SAMD4A: variants seen among roughly 807,000 people sequenced by gnomAD.
The protein encoded by SAMD4A is protein Smaug homolog 1.
In SAMD4A, 33 loss-of-function variants were observed where a neutral mutation model predicts 81.3. The observed-to-expected ratio is 0.41, with a 90% CI of 0.31 to 0.54. SAMD4A has a LOEUF of 0.54. Among genes scored for constraint, SAMD4A ranks in the 20% least tolerant of loss-of-function variants. The pLI, the probability that SAMD4A is intolerant of heterozygous loss-of-function variation, is 0.37. For synonymous variants in SAMD4A, 389 were observed against 382.1 expected, an observed-to-expected ratio of 1.02 and a Z score of -0.21; for missense variants, 854 against 951.1, an observed-to-expected ratio of 0.90 and a Z score of 1.34.
Position 54,789,152 on chromosome 14 carries a change from C to T in SAMD4A, c.*208C>T. ...GGGTTGGTTATTTTGTCATTTGTTT[C>T]TGTCATGGGATGGTTTGGTGTGTGG... On this transcript the variant is annotated 3_prime_UTR_variant, in exon 13 of 13. Coordinates refer to ENST00000554335, the MANE Select transcript of SAMD4A (RefSeq NM_015589.6). 5.9e-6 allele frequency: 3 copies of T among 504,572 alleles called. No homozygotes were observed. The highest frequency in any genetic ancestry group is 3.8e-5 in the East Asian group (1 of 26,446). 31.3% of individuals were successfully genotyped at this position (504,572 alleles called of 1,614,324 possible). A position where few individuals can be genotyped will look rare whatever the true frequency, so the allele number is the denominator to read the frequency against.
chr14:54,704,904 A>G (rs12881380), intron 3 of SAMD4A, among the ~76,000 whole-genome samples: 1 of 152,072 alleles, frequency 6.6e-6, no homozygotes, highest in Non-Finnish European at 1.5e-5. Context: ...TCACTTGTTC[A>G]CTCATGCCTC....
At chr14:54,753,337 G>A (rs1420565736) in intron 6 of SAMD4A, among the ~76,000 whole-genome samples, 1 of 152,250 alleles carries the variant, frequency 6.6e-6, no homozygotes, top group Non-Finnish European at 1.5e-5. Context: ...ACTAGAGAAT[G>A]GCGATGACTT....
rs1156717576 is a variant in SAMD4A at position 54,774,879 on chromosome 14, T to TA, written c.1716-50dup. 6 of 1,571,482 alleles carry TA rather than the reference T, an allele frequency of 3.8e-6. No homozygotes were observed. In the African/African-American group the frequency reaches 8.2e-5, roughly 21 times the overall value. On this transcript the variant is annotated intron_variant, in intron 9 of 12. Transcript: ENST00000554335. ...GACATCCCTTGGGAAGCCTGTGGCT[T>TA]AAAAAGGGCTGAATAACGACTGATA...
At chr14:54,727,617 C>T (rs2037457861) in intron 3 of SAMD4A, among the ~76,000 whole-genome samples, 1 of 152,194 alleles carries the variant, frequency 6.6e-6, no homozygotes, top group Non-Finnish European at 1.5e-5. Flanking sequence ...CAGCGCTTCA[C>T]TTTGCTCCAC....
At chr14:54,658,352 AT>A (rs1314912439) in intron 2 of SAMD4A, among the ~76,000 whole-genome samples, 1 of 152,128 alleles carries the variant, frequency 6.6e-6, no homozygotes, top group Non-Finnish European at 1.5e-5. Context: ...TTTCCAAATA[AT>A]TGTGTAAGGC....
At chr14:54,694,521 A>T in intron 2 of SAMD4A, 1 of 573,286 alleles carries the variant, frequency 1.7e-6, no homozygotes, top group Non-Finnish European at 2.2e-6. Flanking sequence ...TGACTTTGAG[A>T]TCATCTGAGT....
At chr14:54,674,058 C>T (rs2035940191) in intron 2 of SAMD4A, among the ~76,000 whole-genome samples, 1 of 152,192 alleles carries the variant, frequency 6.6e-6, no homozygotes, top group Admixed American at 6.5e-5. Context: ...CCTCTGGGAC[C>T]TAAATCCATT....
At chr14:54,741,343 G>A (rs952963604) in intron 4 of SAMD4A, among the ~76,000 whole-genome samples, 1 of 152,192 alleles carries the variant, frequency 6.6e-6, no homozygotes, top group Non-Finnish European at 1.5e-5. Flanking sequence ...ACTTACATTA[G>A]CACCATGTTC....
At position 54,587,379 on chromosome 14, in the gene SAMD4A, A is replaced by G. The variant is rs7150272; in HGVS notation, c.196+19267A>G. 3.9e-3 allele frequency among the ~76,000 whole-genome samples: 592 copies of G among 152,278 alleles called. 4 individuals are homozygous for G. Among genetic ancestry groups the G allele is most frequent in the African/African-American group, 0.013 (541 of 41,554 alleles). ...ACAATCATATCATCAGCAAACAGTGACAGTTTGACTTCCTCTTTACTGATT... is the reference window on the plus strand; with the variant it reads ...ACAATCATATCATCAGCAAACAGTGGCAGTTTGACTTCCTCTTTACTGATT... On this transcript the variant is annotated intron_variant, in intron 2 of 12. Transcript: ENST00000554335.
chr14:54,634,116 T>C (rs1393780501), intron 2 of SAMD4A, among the ~76,000 whole-genome samples: 1 of 152,052 alleles, frequency 6.6e-6, no homozygotes, highest in African/African-American at 2.4e-5. Context: ...TGAAACCCTG[T>C]CTGTACTAAA....
At chr14:54,682,319 G>A (rs999595904) in intron 2 of SAMD4A, among the ~76,000 whole-genome samples, 2 of 152,134 alleles carry the variant, frequency 1.3e-5, no homozygotes, top group African/African-American at 4.8e-5. Context: ...CTCCTCTGAG[G>A]CCTTTCTATC....
intron 2 of SAMD4A, among the ~76,000 whole-genome samples, chr14:54,674,332 T>C (rs949879130): frequency 6.6e-6 from 1 of 152,236 alleles, no homozygotes; most frequent in Non-Finnish European, 1.5e-5. Context: ...CTTTTAAATT[T>C]TTTGCATGAG....
At position 54,567,990 on chromosome 14, in the gene SAMD4A, C is replaced by G. The variant is rs763559768; in HGVS notation, c.74C>G (p.Ala25Gly). The change falls in exon 2 of 13, where the codon GCG becomes GGG. Residue 25 changes from alanine to glycine, a missense_variant. By Grantham distance (60) the Ala-to-Gly change is moderately conservative. This residue lies in a region of SAMD4A where 387 missense variants were observed against 405.8 expected (regional missense o/e 0.95). Transcript: ENST00000554335. Reference protein sequence around the residue: ...KGWNECEQTVALLSLLKRVSQ... With the variant: ...KGWNECEQTVGLLSLLKRVSQ... Reference sequence around the variant, plus strand: ...TGGAACGAGTGCGAGCAGACTGTTGCGCTGCTGTCGCTGCTCAAGCGCGTG... The same window carrying G: ...TGGAACGAGTGCGAGCAGACTGTTGGGCTGCTGTCGCTGCTCAAGCGCGTG... 2 of 1,609,358 alleles carry G rather than the reference C, an allele frequency of 1.2e-6. No homozygotes were observed. Among genetic ancestry groups the G allele is most frequent in the South Asian group, 1.1e-5 (1 of 90,908 alleles).
intron 2 of SAMD4A, among the ~76,000 whole-genome samples, chr14:54,569,927 G>T (rs1418336068): frequency 6.6e-6 from 1 of 152,110 alleles, no homozygotes; most frequent in African/African-American, 2.4e-5. Flanking sequence ...TTAAAATAAG[G>T]TGGCCTAATT....
At chr14:54,623,072 C>T (rs527486028) in intron 2 of SAMD4A, among the ~76,000 whole-genome samples, 2 of 152,318 alleles carry the variant, frequency 1.3e-5, no homozygotes, top group East Asian at 1.9e-4. Context: ...CTCCCAGCTC[C>T]CATGAGTGCA....
Position 54,788,917 on chromosome 14 carries a change from C to T in SAMD4A, c.2130C>T (p.Asp710=), listed in dbSNP as rs566623105. The change falls in exon 13 of 13, where the codon GAC becomes GAT. Residue 710 remains aspartate, a splice_region_variant and synonymous_variant. Transcript: ENST00000554335. The part of the protein sequence containing the change: ...CLSMTEHALG[D]GVDRTSTI The stretch of plus-strand genomic sequence containing the variant: ...ATCGTTTGCTGCTTTCTCTCCCAGA[C>T]GGGGTTGACCGGACCTCCACCATCT... 257 of 1,614,200 alleles carry T rather than the reference C, an allele frequency of 1.6e-4. 2 individuals carry two copies. The South Asian group carries it at 2.5e-3, about 16-fold the overall frequency.
At chr14:54,684,428 C>T (rs571945553) in intron 2 of SAMD4A, among the ~76,000 whole-genome samples, 23 of 152,314 alleles carry the variant, frequency 1.5e-4, no homozygotes, top group East Asian at 5.8e-4. Flanking sequence ...CCAGATGGAC[C>T]GAGGCGGGTG....
chr14:54,621,464 CT>C (rs1253409012), intron 2 of SAMD4A, among the ~76,000 whole-genome samples: 3 of 152,152 alleles, frequency 2.0e-5, no homozygotes, highest in African/African-American at 7.2e-5. Flanking sequence ...ATTCTCCCAC[CT>C]CAGCTTCCTG....
At chr14:54,684,955 C>T (rs1437570670) in intron 2 of SAMD4A, among the ~76,000 whole-genome samples, 1 of 152,150 alleles carries the variant, frequency 6.6e-6, no homozygotes, top group Non-Finnish European at 1.5e-5. Flanking sequence ...TAAGTGTAGC[C>T]AGAGGAGGGT....
Sources: allele counts gnomAD v4.1 joint callset (sites outside exome capture counted in the v4.1 genomes callset), GRCh38; gene constraint gnomAD v4.1.1; regional missense constraint gnomAD v4.1.1; transcripts MANE v1.5; gene names NCBI Gene and HGNC (gene_info 2026-07-23, HGNC 2026-07-21).